Variants in RBM18 observed in about 807,000 individuals in gnomAD.
The protein encoded by RBM18 is RNA binding motif protein 18.
A neutral mutation model predicts 26.4 loss-of-function variants in RBM18; 18 were observed. The ratio of observed to expected loss-of-function variants is 0.68; its 90% CI spans 0.47 to 1.01. The LOEUF (loss-of-function observed/expected upper bound fraction) is 1.01. Among genes scored for constraint, RBM18 ranks in the 50% least tolerant of loss-of-function variants. The pLI, the probability that RBM18 is intolerant of heterozygous loss-of-function variation, is 0.00. For missense variants in RBM18, 180 were observed against 219.2 expected (o/e 0.82, Z 1.13); for synonymous variants, 74 against 81.1 (o/e 0.91, Z 0.47).
At chr9:122,243,282 G>A (rs1831454142) in intron 5 of RBM18, among the ~76,000 whole-genome samples, 1 of 152,262 alleles carries the variant, frequency 6.6e-6, no homozygotes, top group East Asian at 1.9e-4. Context: ...TACTTATAAT[G>A]TTTTTAATCC....
intron 2 of RBM18, among the ~76,000 whole-genome samples, chr9:122,252,712 T>C (rs756717344): frequency 3.9e-5 from 6 of 152,222 alleles, no homozygotes; most frequent in Non-Finnish European, 5.9e-5. Flanking sequence ...TCAGTTGCCT[T>C]AAAACAGTTT....
At position 122,239,490 on chromosome 9, in the gene RBM18, T is replaced by C. The variant is rs905126752; in HGVS notation, c.*2394A>G. 26 of 152,206 alleles carry C rather than the reference T, an allele frequency of 1.7e-4. No individual in the cohort carries two copies. The highest frequency in any genetic ancestry group is 6.3e-4 in the African/African-American group (26 of 41,434). The allele number at this position is 152,206 out of a possible 1,614,324, so 9.4% of individuals were successfully genotyped here. On this transcript the variant is annotated 3_prime_UTR_variant, in exon 6 of 6. Coordinates refer to ENST00000417201, the MANE Select transcript of RBM18 (RefSeq NM_033117.4). Reference sequence around the variant, plus strand: ...TCATACGTCTCTCCTCAGTATTTCCTTCAATTCTTCACTCTTGTATATAAA... The same window carrying C: ...TCATACGTCTCTCCTCAGTATTTCCCTCAATTCTTCACTCTTGTATATAAA...
chr9:122,242,460 C>T (rs180906574), intron 5 of RBM18, among the ~76,000 whole-genome samples: 25 of 152,246 alleles, frequency 1.6e-4, no homozygotes, highest in African/African-American at 4.8e-4. Context: ...CCCAATGTTA[C>T]ACAGCAAGTA....
At chr9:122,242,676 T>A (rs1057412491) in intron 5 of RBM18, among the ~76,000 whole-genome samples, 1 of 149,068 alleles carries the variant, frequency 6.7e-6, no homozygotes, top group Non-Finnish European at 1.5e-5. Context: ...TTTTTTTTTT[T>A]AGACAGGGTC....
chr9:122,248,179 A>G (rs1402923791), intron 3 of RBM18, among the ~76,000 whole-genome samples: 1 of 152,220 alleles, frequency 6.6e-6, no homozygotes, highest in Non-Finnish European at 1.5e-5. Context: ...AAGTGTCTCT[A>G]GCTTTGTCAA....
Position 122,245,258 on chromosome 9 carries a change from T to G in RBM18, c.411A>C (p.Leu137=). Residue 137 remains leucine (L), a splice_region_variant and synonymous_variant, in exon 5 of 6, where the codon CTA becomes CTC. Coordinates refer to ENST00000417201, the MANE Select transcript of RBM18 (RefSeq NM_033117.4). ...SSSTEPTQSN[L]SVTAKIKAIE... Reference sequence around the variant, plus strand: ...CTTTCTATAGTACATCATCTTACCTTAGGTTAGACTGAGTAGGCTCAGTGC... The same window carrying G: ...CTTTCTATAGTACATCATCTTACCTGAGGTTAGACTGAGTAGGCTCAGTGC... 6.4e-7 allele frequency: 1 copy of G among 1,571,022 alleles called. No homozygotes were observed. Among genetic ancestry groups the G allele is most frequent in the East Asian group, 2.2e-5 (1 of 44,610 alleles).
rs1321769240 is a variant in RBM18, at chr9:122,239,480, C to G, written c.*2404G>C. 1 of 152,186 alleles carries G rather than the reference C, an allele frequency of 6.6e-6. No homozygotes were observed. Among genetic ancestry groups the G allele is most frequent in the Non-Finnish European group, 1.5e-5 (1 of 68,034 alleles). The allele number at this position is 152,186 out of a possible 1,614,324, so 9.4% of individuals were successfully genotyped here. ...AGAAAATAGTTCATACGTCTCTCCT[C>G]AGTATTTCCTTCAATTCTTCACTCT... On this transcript the variant is annotated 3_prime_UTR_variant, in exon 6 of 6. Coordinates refer to ENST00000417201, the MANE Select transcript of RBM18 (RefSeq NM_033117.4).
chr9:122,255,795 A>G (rs751297453), intron 2 of RBM18, among the ~76,000 whole-genome samples: 1 of 152,070 alleles, frequency 6.6e-6, no homozygotes, highest in African/African-American at 2.4e-5. Flanking sequence ...TTTCTCTACT[A>G]ACACATCATT....
rs768623493 is a variant in RBM18 at position 122,241,986 on chromosome 9, A to T, written c.471T>A (p.Pro157=). 9.0e-5 allele frequency: 145 copies of T among 1,613,992 alleles called. 1 individual carries two copies. In the Middle Eastern group the frequency reaches 1.2e-3, roughly 13 times the overall value. ...EAKLKMMAEN[P]DAEYPAAPVY... ...CAGGCGCTGCTGGATACTCTGCATC[A>T]GGATTTTCCGCCATCATTTTCAGTT... Residue 157 remains proline (P), a synonymous_variant, in exon 6 of 6, where the codon CCT becomes CCA. Transcript: ENST00000417201.
At chr9:122,249,092 C>G (rs1831553867) in intron 3 of RBM18, among the ~76,000 whole-genome samples, 1 of 142,312 alleles carries the variant, frequency 7.0e-6, no homozygotes, top group Non-Finnish European at 1.5e-5. Flanking sequence ...AATAAGCTGC[C>G]AGCAGGGGCA....
intron 2 of RBM18, chr9:122,254,421 G>A: frequency 3.1e-6 from 1 of 326,754 alleles, no homozygotes. Flanking sequence ...GATGGGGACT[G>A]CAGGCTCTGA....
Position 122,241,401 on chromosome 9 carries a change from T to C in RBM18, c.*483A>G, listed in dbSNP as rs1284365937. The C allele has an allele frequency of 6.5e-6, 1 of 152,830 alleles. No homozygotes were observed. Among genetic ancestry groups the C allele is most frequent in the Admixed American group, 6.5e-5 (1 of 15,296 alleles). The allele number at this position is 152,830 out of a possible 1,614,324, so 9.5% of individuals were successfully genotyped here. ...TTCAGTCCAGTTGGAGGGATTGCCG[T>C]AGTAAATTCTGGAACAACAGTTCTG... On this transcript the variant is annotated 3_prime_UTR_variant, in exon 6 of 6. Transcript: ENST00000417201.
intron 2 of RBM18, among the ~76,000 whole-genome samples, chr9:122,259,747 G>A (rs1427720379): frequency 1.3e-5 from 2 of 152,124 alleles, no homozygotes; most frequent in Non-Finnish European, 2.9e-5. Flanking sequence ...AGGCTGGAGT[G>A]CAGTGGCACA....
chr9:122,262,472 A>C (rs1485729179), intron 1 of RBM18, among the ~76,000 whole-genome samples: 2 of 152,270 alleles, frequency 1.3e-5, no homozygotes, highest in African/African-American at 2.4e-5. Flanking sequence ...GAAATGTCTC[A>C]TCTCACAGCC....
At position 122,242,007 on chromosome 9, in the gene RBM18, C is replaced by T. The variant is rs762201658; in HGVS notation, c.450G>A (p.Leu150=). 1.9e-6 allele frequency: 3 copies of T among 1,614,020 alleles called. No individual in the cohort carries two copies. In the South Asian group the frequency reaches 3.3e-5, roughly 18 times the overall value. Residue 150 remains leucine (L), a synonymous_variant, in exon 6 of 6, where the codon CTG becomes CTA. Coordinates refer to ENST00000417201, the MANE Select transcript of RBM18 (RefSeq NM_033117.4). ...CATCAGGATTTTCCGCCATCATTTTCAGTTTTGCTTCAATGGCTTTTATCT... is the reference window on the plus strand; with the variant it reads ...CATCAGGATTTTCCGCCATCATTTTTAGTTTTGCTTCAATGGCTTTTATCT... The part of the protein sequence containing the change: ...TAKIKAIEAK[L]KMMAENPDAE...
chr9:122,257,563 T>C (rs996272418), intron 2 of RBM18, among the ~76,000 whole-genome samples: 5 of 152,158 alleles, frequency 3.3e-5, no homozygotes, highest in Admixed American at 6.5e-5. Context: ...GACATCCTAG[T>C]GTAACTTGAG....
At chr9:122,252,723 A>G (rs1201507216) in intron 2 of RBM18, among the ~76,000 whole-genome samples, 1 of 152,242 alleles carries the variant, frequency 6.6e-6, no homozygotes, top group Non-Finnish European at 1.5e-5. Flanking sequence ...AAAACAGTTT[A>G]TACTCTAGGG....
At position 122,249,872 on chromosome 9, in the gene RBM18, G is replaced by T. The variant is rs145373880; in HGVS notation, c.240+1975C>A. Reference sequence around the variant, plus strand: ...GTTGGCTTGAGCCCAGGAGTTTGAGGCCAGCCTGGGCAACATGGTGAAATG... The same window carrying T: ...GTTGGCTTGAGCCCAGGAGTTTGAGTCCAGCCTGGGCAACATGGTGAAATG... On this transcript the variant is annotated intron_variant, in intron 3 of 5. Transcript: ENST00000417201. Among the ~76,000 whole-genome samples the T allele has an allele frequency of 2.1e-3, 319 of 151,734 alleles. 2 individuals carry two copies. Among genetic ancestry groups the T allele is most frequent in the African/African-American group, 7.5e-3 (310 of 41,448 alleles).
intron 1 of RBM18, among the ~76,000 whole-genome samples, chr9:122,263,677 AG>A (rs1308236769): frequency 6.6e-6 from 1 of 152,264 alleles, no homozygotes; most frequent in East Asian, 1.9e-4. Context: ...CGACGACTAT[AG>A]ATTGAGTGGA....
Sources: gnomAD v4.1 joint callset for allele counts (sites outside exome capture counted in the v4.1 genomes callset) on GRCh38, gnomAD v4.1.1 for gene constraint, MANE v1.5 for transcripts, NCBI Gene and HGNC (gene_info 2026-07-23, HGNC 2026-07-21) for gene names.